The following MAGI2 variants were observed in gnomAD, a reference collection of about 807,000 sequenced individuals.
MAGI2 encodes membrane associated guanylate kinase, WW and PDZ domain containing 2.
MAGI2 carries 35 observed loss-of-function variants against 133.3 expected under a neutral mutation model. The ratio of observed to expected loss-of-function variants is 0.26; its 90% confidence interval spans 0.20 to 0.35. The LOEUF is 0.35. Among genes scored for constraint, MAGI2 ranks in the 10% least tolerant of loss-of-function variants. MAGI2 has a pLI of 1.00. For synonymous variants in MAGI2, 729 were observed against 710.6 expected (o/e 1.03, Z -0.41); for missense variants, 1,636 against 1,863.4 (o/e 0.88, Z 2.25).
At chr7:79,360,986 G>C (rs1430001894) in intron 1 of MAGI2, among the ~76,000 whole-genome samples, 1 of 151,820 alleles carries the variant, frequency 6.6e-6, no homozygotes, top group Non-Finnish European at 1.5e-5. Context: ...ATTTCAAATG[G>C]AAAAACATAG....
chr7:78,472,559 A>G (rs1349453846), intron 6 of MAGI2, among the ~76,000 whole-genome samples: 2 of 152,110 alleles, frequency 1.3e-5, no homozygotes, highest in African/African-American at 2.4e-5. Context: ...TAAGTTGAAG[A>G]CACTTTTTAC....
At chr7:78,745,279 C>T (rs891248201) in intron 2 of MAGI2, among the ~76,000 whole-genome samples, 2 of 152,164 alleles carry the variant, frequency 1.3e-5, no homozygotes, top group African/African-American at 4.8e-5. Context: ...AGCGGTAGAG[C>T]TCAGATTTGA....
intron 3 of MAGI2, among the ~76,000 whole-genome samples, chr7:78,619,775 C>T (rs1217914402): frequency 6.6e-6 from 1 of 151,844 alleles, no homozygotes; most frequent in Non-Finnish European, 1.5e-5. Context: ...CAAATTGAAT[C>T]ACTCACCAAA....
intron 9 of MAGI2, among the ~76,000 whole-genome samples, chr7:78,288,263 TAAG>T (rs1168072490): frequency 2.0e-5 from 3 of 152,180 alleles, no homozygotes; most frequent in Admixed American, 6.5e-5. Flanking sequence ...AATGTAATAA[TAAG>T]CTACATGAAA....
intron 2 of MAGI2, among the ~76,000 whole-genome samples, chr7:78,712,890 C>A (rs1338936508): frequency 2.6e-5 from 4 of 151,944 alleles, no homozygotes; most frequent in Non-Finnish European, 5.9e-5. Flanking sequence ...CAATACATTA[C>A]AAAAAAACTA....
chr7:79,171,770 A>ATTTTTTTTTTT (rs144599296), intron 1 of MAGI2, among the ~76,000 whole-genome samples: 21 of 31,210 alleles, frequency 6.7e-4, no homozygotes, highest in Non-Finnish European at 1.0e-3. Flanking sequence ...ATATATATAT[A>ATTTTTTTTTTT]TTTTTTTTTT....
intron 2 of MAGI2, among the ~76,000 whole-genome samples, chr7:78,891,969 T>A (rs1209223250): frequency 6.6e-6 from 1 of 152,134 alleles, no homozygotes; most frequent in African/African-American, 2.4e-5. Context: ...TGATTGTATA[T>A]CCAGAAAACT....
intron 2 of MAGI2, among the ~76,000 whole-genome samples, chr7:78,765,301 T>G (rs1218806068): frequency 6.6e-6 from 1 of 151,896 alleles, no homozygotes; most frequent in East Asian, 1.9e-4. Context: ...TAGTATTCAT[T>G]TATTCATTCA....
At chr7:78,951,442 C>T (rs938439391) in intron 2 of MAGI2, among the ~76,000 whole-genome samples, 1 of 152,116 alleles carries the variant, frequency 6.6e-6, no homozygotes. Context: ...GCAAATACAT[C>T]CTTCTTCACG....
intron 2 of MAGI2, among the ~76,000 whole-genome samples, chr7:78,915,942 G>C (rs1050345230): frequency 6.6e-6 from 1 of 151,938 alleles, no homozygotes; most frequent in Non-Finnish European, 1.5e-5. Context: ...GTGGATATCT[G>C]GGGAAGGAGC....
chr7:78,398,356 C>G (rs1446069464), intron 6 of MAGI2, among the ~76,000 whole-genome samples: 3 of 152,100 alleles, frequency 2.0e-5, no homozygotes, highest in Admixed American at 6.6e-5. Flanking sequence ...TGACTCTTAA[C>G]TGTGCCTCAT....
At chr7:79,102,086 T>A (rs1291218445) in intron 1 of MAGI2, among the ~76,000 whole-genome samples, 1 of 152,122 alleles carries the variant, frequency 6.6e-6, no homozygotes, top group African/African-American at 2.4e-5. Flanking sequence ...TATACAAATT[T>A]TAATGACTTC....
chr7:79,236,886 A>G (rs28379975), intron 1 of MAGI2, among the ~76,000 whole-genome samples: 38 of 152,316 alleles, frequency 2.5e-4, no homozygotes, highest in African/African-American at 7.7e-4. Context: ...ACAAAAAAAT[A>G]AAAATATAAT....
At chr7:78,613,874 T>A (rs1806755987) in intron 3 of MAGI2, among the ~76,000 whole-genome samples, 1 of 152,062 alleles carries the variant, frequency 6.6e-6, no homozygotes, top group East Asian at 1.9e-4. Flanking sequence ...TTTGGGAGGC[T>A]GAGGTGGGTG....
chr7:79,333,640 A>T (rs1840238769), intron 1 of MAGI2, among the ~76,000 whole-genome samples: 1 of 152,132 alleles, frequency 6.6e-6, no homozygotes, highest in Admixed American at 6.6e-5. Context: ...TTTCTTTTTT[A>T]AAAAACTTTC....
At chr7:78,488,117 T>C (rs1793234836) in intron 6 of MAGI2, among the ~76,000 whole-genome samples, 1 of 152,040 alleles carries the variant, frequency 6.6e-6, no homozygotes, top group Non-Finnish European at 1.5e-5. Flanking sequence ...TATTTTGTAG[T>C]GAATGAAAAC....
At chr7:78,764,553 C>T (rs534636490) in intron 2 of MAGI2, among the ~76,000 whole-genome samples, 1 of 152,144 alleles carries the variant, frequency 6.6e-6, no homozygotes, top group Non-Finnish European at 1.5e-5. Flanking sequence ...ATTTTTTCCC[C>T]CCATCCCAAA....
At chr7:79,158,906 AT>A (rs1195742270) in intron 1 of MAGI2, among the ~76,000 whole-genome samples, 1 of 151,968 alleles carries the variant, frequency 6.6e-6, no homozygotes. Flanking sequence ...ATAGGAAAAT[AT>A]TTTTTAATGT....
intron 13 of MAGI2, among the ~76,000 whole-genome samples, chr7:78,180,809 T>C (rs867110206): frequency 4.6e-4 from 70 of 152,298 alleles, no homozygotes; most frequent in African/African-American, 1.6e-3. Flanking sequence ...ATTTATTTTT[T>C]ATTTCTTTGT....
Sources: allele counts gnomAD v4.1 joint callset (sites outside exome capture counted in the v4.1 genomes callset), GRCh38; gene constraint gnomAD v4.1.1; transcripts MANE v1.5; gene names NCBI Gene and HGNC (gene_info 2026-07-23, HGNC 2026-07-21).